Variants in CDK14 observed in about 807,000 individuals in gnomAD.
CDK14 encodes the protein cyclin-dependent kinase 14.
CDK14 carries 34 observed loss-of-function variants against 60.7 expected under a neutral mutation model. The observed-to-expected ratio is 0.56, with a 90% confidence interval of 0.43 to 0.75. The LOEUF is 0.75. Among genes scored for constraint, CDK14 ranks in the 30% least tolerant of loss-of-function variants. The probability of loss-of-function intolerance (pLI) is 0.00; values close to 1 mark genes in which losing one functional copy is unlikely to be tolerated. For missense variants in CDK14, 482 were observed against 564.1 expected (o/e 0.85, Z 1.47); for synonymous variants, 197 against 203.7 (o/e 0.97, Z 0.28).
intron 9 of CDK14, among the ~76,000 whole-genome samples, chr7:90,964,087 C>G (rs937376554): frequency 5.3e-5 from 8 of 152,154 alleles, no homozygotes; most frequent in Non-Finnish European, 1.0e-4. Context: ...CTACAAAGAT[C>G]AGTAACAAGC....
At chr7:91,202,822 A>C (rs1040554807) in intron 14 of CDK14, among the ~76,000 whole-genome samples, 9 of 152,180 alleles carry the variant, frequency 5.9e-5, no homozygotes, top group African/African-American at 2.2e-4. Flanking sequence ...TCTTCCATTA[A>C]ATGTCTAAGC....
chr7:90,798,349 C>T (rs1788516831), intron 5 of CDK14, among the ~76,000 whole-genome samples: 1 of 152,028 alleles, frequency 6.6e-6, no homozygotes, highest in Non-Finnish European at 1.5e-5. Context: ...CATTGCTTAG[C>T]CTTTCCCCAT....
intron 14 of CDK14, among the ~76,000 whole-genome samples, chr7:91,132,454 A>G (rs528728750): frequency 6.6e-6 from 1 of 152,176 alleles, no homozygotes; most frequent in African/African-American, 2.4e-5. Context: ...CTTGAATGAC[A>G]TGCTGAAGAG....
intron 14 of CDK14, among the ~76,000 whole-genome samples, chr7:91,164,876 G>C (rs897279912): frequency 3.3e-5 from 5 of 152,134 alleles, no homozygotes; most frequent in African/African-American, 1.2e-4. Flanking sequence ...TCTAGTCCCA[G>C]TATCCCCTGG....
intron 2 of CDK14, among the ~76,000 whole-genome samples, chr7:90,639,024 ACATT>A (rs1800242471): frequency 6.6e-6 from 1 of 152,038 alleles, no homozygotes; most frequent in African/African-American, 2.4e-5. Context: ...TTCTAGTTAT[ACATT>A]CATCTAAATT....
intron 10 of CDK14, among the ~76,000 whole-genome samples, chr7:90,986,022 A>G (rs1562857327): frequency 6.6e-6 from 1 of 152,122 alleles, no homozygotes; most frequent in Non-Finnish European, 1.5e-5. Context: ...AACCACATCT[A>G]GTATTTGGAC....
At chr7:90,654,647 TA>T (rs1057298183) in intron 2 of CDK14, among the ~76,000 whole-genome samples, 1 of 152,132 alleles carries the variant, frequency 6.6e-6, no homozygotes, top group African/African-American at 2.4e-5. Flanking sequence ...GTCAGTTTTT[TA>T]AAAAAATTAA....
intron 8 of CDK14, among the ~76,000 whole-genome samples, chr7:90,934,986 A>G (rs1169814783): frequency 6.6e-6 from 1 of 152,194 alleles, no homozygotes; most frequent in Non-Finnish European, 1.5e-5. Context: ...AGACTAGGTA[A>G]TTTATAAGGA....
chr7:90,745,175 T>C (rs886166538), intron 3 of CDK14, among the ~76,000 whole-genome samples: 4 of 152,204 alleles, frequency 2.6e-5, no homozygotes, highest in African/African-American at 9.7e-5. Context: ...CAGTGTGCTT[T>C]TATTTCTCCT....
intron 14 of CDK14, among the ~76,000 whole-genome samples, chr7:91,152,416 A>G (rs1310172150): frequency 6.6e-6 from 1 of 152,198 alleles, no homozygotes; most frequent in Admixed American, 6.5e-5. Flanking sequence ...TGGATATAGA[A>G]CATATTCTTT....
At chr7:90,920,951 G>T (rs10808083) in intron 8 of CDK14, among the ~76,000 whole-genome samples, 125,180 of 152,004 alleles carry the variant, frequency 0.82, 51,695 homozygotes, top group East Asian at 0.95. Flanking sequence ...TTTTTTTTCT[G>T]GTAAGCAAAG....
chr7:90,980,840 T>C (rs982115491), intron 9 of CDK14, among the ~76,000 whole-genome samples: 1 of 152,236 alleles, frequency 6.6e-6, no homozygotes, highest in Non-Finnish European at 1.5e-5. Flanking sequence ...AATTGCAGCA[T>C]AGAATAGATT....
intron 2 of CDK14, among the ~76,000 whole-genome samples, 162 bp downstream of exon 2, chr7:90,604,411 C>T (rs1361938227): frequency 3.9e-5 from 6 of 152,156 alleles, no homozygotes; most frequent in South Asian, 2.1e-4. Flanking sequence ...TTTAAATAAT[C>T]GTTCAAATGA....
rs139978203 is a variant in CDK14 at position 90,910,787 on chromosome 7, T to C, written c.703-6814T>C. Among the ~76,000 whole-genome samples, 1,176 of 152,278 alleles carry C rather than the reference T, an allele frequency of 7.7e-3. 19 individuals are homozygous for C. Among genetic ancestry groups the C allele is most frequent in the African/African-American group, 0.027 (1,132 of 41,558 alleles). On this transcript the variant is annotated intron_variant, in intron 7 of 14. Transcript: ENST00000380050. ...TAATTCCTCTTTTTTTAAAAAACTT[T>C]TAAGTTCAGGGGTACATGTGCAGGA...
At chr7:90,630,145 G>T (rs1416036594) in intron 2 of CDK14, among the ~76,000 whole-genome samples, 2 of 152,128 alleles carry the variant, frequency 1.3e-5, no homozygotes, top group Non-Finnish European at 2.9e-5. Flanking sequence ...AACATTTAAA[G>T]ACAACTATAT....
At chr7:91,002,730 C>T (rs760325501) in intron 10 of CDK14, among the ~76,000 whole-genome samples, 1 of 152,098 alleles carries the variant, frequency 6.6e-6, no homozygotes, top group Non-Finnish European at 1.5e-5. Flanking sequence ...GAACCCCAGC[C>T]TCTTGAATCT....
intron 2 of CDK14, among the ~76,000 whole-genome samples, chr7:90,686,676 A>C (rs1389019760): frequency 6.6e-6 from 1 of 152,204 alleles, no homozygotes; most frequent in Non-Finnish European, 1.5e-5. Flanking sequence ...ACCAGAAAGC[A>C]TAATATAGAG....
At chr7:90,598,544 G>T (rs1056757115) in intron 1 of CDK14, among the ~76,000 whole-genome samples, 20 of 152,042 alleles carry the variant, frequency 1.3e-4, no homozygotes, top group Non-Finnish European at 2.9e-4. Flanking sequence ...TCATTATGGA[G>T]TATTGTAATA....
chr7:90,713,716 T>G (rs1371566276), intron 2 of CDK14, among the ~76,000 whole-genome samples: 1 of 151,692 alleles, frequency 6.6e-6, no homozygotes, highest in Non-Finnish European at 1.5e-5. Flanking sequence ...TGTTTACTTC[T>G]CTCATGATGT....
Sources: allele counts gnomAD v4.1 joint callset (sites outside exome capture counted in the v4.1 genomes callset), GRCh38; gene constraint gnomAD v4.1.1; transcripts MANE v1.5; gene names NCBI Gene and HGNC (gene_info 2026-07-23, HGNC 2026-07-21).